ATE1: variants seen among roughly 807,000 people sequenced by gnomAD.
ATE1 encodes arginyltransferase 1, also known as arginyl-tRNA--protein transferase 1.
A neutral mutation model predicts 70.5 loss-of-function variants in ATE1; 36 were observed. The observed-to-expected ratio is 0.51, with a 90% CI of 0.39 to 0.67. The LOEUF (loss-of-function observed/expected upper bound fraction) is 0.67. ATE1 is among the 30% of genes least tolerant of loss of function. ATE1 has a pLI of 0.00. For synonymous variants in ATE1, 232 were observed against 219.3 expected (o/e 1.06, Z -0.51); for missense variants, 593 against 629.5 (o/e 0.94, Z 0.62).
At chr10:121,928,198 G>A (rs1266713895), upstream of ATE1, 1 of 1,325,402 alleles carries the variant, frequency 7.5e-7, no homozygotes. Flanking sequence ...TGAGGGTGAG[G>A]CGGAGAGACA....
intron 11 of ATE1, among the ~76,000 whole-genome samples, chr10:121,788,792 A>T (rs1312361630): frequency 6.6e-6 from 1 of 152,216 alleles, no homozygotes; most frequent in Non-Finnish European, 1.5e-5. Context: ...TCAAAGTTCA[A>T]TTAAGCACAA....
chr10:121,770,941 A>G (rs980748872), intron 11 of ATE1, among the ~76,000 whole-genome samples: 6 of 152,354 alleles, frequency 3.9e-5, no homozygotes, highest in African/African-American at 9.6e-5. Flanking sequence ...GAAACATTTC[A>G]CATGAGCGAA....
intron 11 of ATE1, among the ~76,000 whole-genome samples, chr10:121,788,908 T>C (rs937648486): frequency 6.6e-6 from 1 of 152,324 alleles, no homozygotes; most frequent in East Asian, 1.9e-4. Flanking sequence ...CACGGCTAAA[T>C]GCCGTGAGGA....
chr10:121,805,782 C>G (rs556199278), intron 10 of ATE1, among the ~76,000 whole-genome samples: 1 of 152,282 alleles, frequency 6.6e-6, no homozygotes, highest in East Asian at 1.9e-4. Flanking sequence ...GAACCTACCA[C>G]TGGCAAAAGA....
chr10:121,899,617 A>G (rs997453493), intron 7 of ATE1, among the ~76,000 whole-genome samples: 2 of 152,220 alleles, frequency 1.3e-5, no homozygotes, highest in Non-Finnish European at 2.9e-5. Flanking sequence ...AAATGCATCT[A>G]AAATAGTGAC....
At chr10:121,788,663 T>A (rs886123968) in intron 11 of ATE1, among the ~76,000 whole-genome samples, 5 of 152,192 alleles carry the variant, frequency 3.3e-5, no homozygotes, top group Admixed American at 2.0e-4. Context: ...CTCCAGACTT[T>A]CCATTGATCT....
At chr10:121,770,739 A>C (rs1945480584) in intron 11 of ATE1, among the ~76,000 whole-genome samples, 1 of 151,862 alleles carries the variant, frequency 6.6e-6, no homozygotes, top group Non-Finnish European at 1.5e-5. Context: ...TTAACTAAAA[A>C]AAAAAAAAAA....
chr10:121,869,744 TTC>T (rs1252113201), intron 8 of ATE1, among the ~76,000 whole-genome samples: 1 of 152,144 alleles, frequency 6.6e-6, no homozygotes, highest in Non-Finnish European at 1.5e-5. Context: ...AAGGACTGAT[TTC>T]TCTCTACTTA....
chr10:121,748,113 G>A (rs1944438235), intron 11 of ATE1, among the ~76,000 whole-genome samples: 1 of 152,182 alleles, frequency 6.6e-6, no homozygotes, highest in Non-Finnish European at 1.5e-5. Context: ...GAATTTTAAA[G>A]TATGTCTATA....
intron 11 of ATE1, among the ~76,000 whole-genome samples, chr10:121,786,219 T>G (rs1300391436): frequency 2.8e-5 from 4 of 144,952 alleles, no homozygotes; most frequent in African/African-American, 1.0e-4. Flanking sequence ...TTTTTTTTTT[T>G]TTTTTTTTTT....
chr10:121,899,717 G>T, intron 7 of ATE1, 149 bp downstream of exon 7: 1 of 1,173,354 alleles, frequency 8.5e-7, no homozygotes, highest in Non-Finnish European at 1.1e-6. Flanking sequence ...CTTTCAGAAT[G>T]TCCATTAATT....
intron 11 of ATE1, among the ~76,000 whole-genome samples, chr10:121,789,059 T>C (rs933025932): frequency 3.3e-5 from 5 of 152,204 alleles, no homozygotes; most frequent in Non-Finnish European, 7.3e-5. Context: ...GTGGCATATA[T>C]AGGATGCAGC....
chr10:121,819,470 C>T lies in ATE1; in HGVS notation c.1257+17248G>A, dbSNP rs186811777. ...CTGTAATCCCAGCACTTTGGGAGGC[C>T]GAGGCGGCCGGATCATGAGGTCAGG... On this transcript the variant is annotated intron_variant, in intron 10 of 11. Coordinates refer to ENST00000224652, the MANE Select transcript of ATE1 (RefSeq NM_001001976.3). Among the ~76,000 whole-genome samples the T allele has an allele frequency of 1.1e-3, 172 of 151,982 alleles. 2 individuals carry two copies. Among genetic ancestry groups the T allele is most frequent in the African/African-American group, 3.9e-3 (163 of 41,472 alleles).
At chr10:121,880,824 ATC>A (rs1950203569) in intron 7 of ATE1, among the ~76,000 whole-genome samples, 2 of 152,204 alleles carry the variant, frequency 1.3e-5, no homozygotes, top group African/African-American at 4.8e-5. Context: ...TAGACTAGCC[ATC>A]AAAAGGTACT....
chr10:121,820,407 A>T (rs1947747332), intron 10 of ATE1, among the ~76,000 whole-genome samples: 2 of 152,226 alleles, frequency 1.3e-5, no homozygotes, highest in Non-Finnish European at 2.9e-5. Flanking sequence ...TGCCATTAAC[A>T]ATAATAAAAC....
chr10:121,806,649 T>A (rs1947110012), intron 10 of ATE1, among the ~76,000 whole-genome samples: 1 of 152,182 alleles, frequency 6.6e-6, no homozygotes, highest in Non-Finnish European at 1.5e-5. Context: ...TGTGAGAATA[T>A]CCTTGTTCTC....
At chr10:121,799,031 T>G (rs543677414) in intron 10 of ATE1, among the ~76,000 whole-genome samples, 1 of 152,074 alleles carries the variant, frequency 6.6e-6, no homozygotes, top group East Asian at 1.9e-4. Context: ...GCCTAAACCT[T>G]AAAAAAACAA....
At chr10:121,860,857 C>A (rs927226250) in intron 8 of ATE1, among the ~76,000 whole-genome samples, 1 of 152,174 alleles carries the variant, frequency 6.6e-6, no homozygotes, top group African/African-American at 2.4e-5. Context: ...CTAGTAAACA[C>A]CTTAGAATCC....
At chr10:121,780,411 T>C (rs897637795) in intron 11 of ATE1, among the ~76,000 whole-genome samples, 5 of 152,216 alleles carry the variant, frequency 3.3e-5, no homozygotes, top group Admixed American at 6.5e-5. Context: ...TTCCTCTCCA[T>C]TGCCCACTGC....
Sources: allele counts gnomAD v4.1 joint callset (sites outside exome capture counted in the v4.1 genomes callset), GRCh38; gene constraint gnomAD v4.1.1; transcripts MANE v1.5; gene names NCBI Gene and HGNC (gene_info 2026-07-23, HGNC 2026-07-21).